The following DCAF1 variants were observed in gnomAD, a reference collection of about 807,000 sequenced individuals.
DCAF1 encodes the protein DDB1- and CUL4-associated factor 1.
In DCAF1, 15 loss-of-function variants were observed where a neutral mutation model predicts 128.0. The ratio of observed to expected loss-of-function variants is 0.12; its 90% CI spans 0.08 to 0.18. The LOEUF is 0.18. Ranked by LOEUF, DCAF1 falls within the 10% of genes least tolerant of loss-of-function variation. The pLI, the probability that DCAF1 is intolerant of heterozygous loss-of-function variation, is 1.00. For synonymous variants in DCAF1, 610 were observed against 603.0 expected (o/e 1.01, Z -0.17); for missense variants, 988 against 1,649.5 (o/e 0.60, Z 6.95).
At chr3:51,469,850 T>G (rs1704542668) in intron 4 of DCAF1, among the ~76,000 whole-genome samples, 1 of 151,596 alleles carries the variant, frequency 6.6e-6, no homozygotes, top group Non-Finnish European at 1.5e-5. Flanking sequence ...GTGAAACCCC[T>G]TCTCTATTAA....
At chr3:51,481,501 G>A (rs1339602304) in intron 3 of DCAF1, among the ~76,000 whole-genome samples, 1 of 151,964 alleles carries the variant, frequency 6.6e-6, no homozygotes, top group Non-Finnish European at 1.5e-5. Flanking sequence ...AGACCAGCCT[G>A]GCCAACATGG....
chr3:51,498,006 C>T (rs577315443), intron 1 of DCAF1, among the ~76,000 whole-genome samples: 54 of 136,286 alleles, frequency 4.0e-4, no homozygotes, highest in Middle Eastern at 4.2e-3. Context: ...GCTGAGATCG[C>T]GCCACTGCAC....
chr3:51,427,365 G>A lies in DCAF1; in HGVS notation c.1847+7C>T, dbSNP rs782410475. ...AAACTTCATTTGAAATCTCTCTCTG[G>A]TCCCACCTTGCATAATAGGTCTTCC... On this transcript the variant is annotated splice_region_variant and intron_variant, in intron 13 of 24. Coordinates refer to ENST00000684031, the MANE Select transcript of DCAF1 (RefSeq NM_001387579.1). The A allele has an allele frequency of 5.7e-6, 4 of 706,964 alleles. No individual in the cohort carries two copies. Among genetic ancestry groups the A allele is most frequent in the Non-Finnish European group, 1.0e-5 (4 of 382,122 alleles). The allele number at this position is 706,964 out of a possible 1,614,324, so 43.8% of individuals were successfully genotyped here. A position where few individuals can be genotyped will look rare whatever the true frequency, so the allele number is the denominator to read the frequency against.
intron 6 of DCAF1, among the ~76,000 whole-genome samples, chr3:51,444,180 C>A (rs1260966057): frequency 3.3e-5 from 5 of 152,008 alleles, no homozygotes; most frequent in Non-Finnish European, 5.9e-5. Flanking sequence ...TAAAAATTAA[C>A]AATCCCCAGA....
chr3:51,491,628 A>T (rs1553657987), intron 2 of DCAF1, among the ~76,000 whole-genome samples: 1 of 151,898 alleles, frequency 6.6e-6, no homozygotes, highest in Non-Finnish European at 1.5e-5. Context: ...ACAGGCAGAT[A>T]ACTTGAGCAG....
At chr3:51,428,402 G>A (rs1364664416) in intron 12 of DCAF1, among the ~76,000 whole-genome samples, 2 of 137,254 alleles carry the variant, frequency 1.5e-5, no homozygotes, top group African/African-American at 5.6e-5. Context: ...GTAGCTCACT[G>A]CAGTCTTGAA....
At chr3:51,450,230 C>T (rs1490804697) in intron 6 of DCAF1, among the ~76,000 whole-genome samples, 2 of 152,098 alleles carry the variant, frequency 1.3e-5, no homozygotes, top group African/African-American at 4.8e-5. Context: ...CTTCTCATAA[C>T]TCTTCCCAAA....
intron 6 of DCAF1, among the ~76,000 whole-genome samples, chr3:51,456,452 G>A (rs1408298570): frequency 6.6e-6 from 1 of 152,204 alleles, no homozygotes; most frequent in Non-Finnish European, 1.5e-5. Flanking sequence ...AGCTCAAGGA[G>A]GCCTGCCTGC....
At chr3:51,436,533 G>C (rs1700849468) in intron 9 of DCAF1, 1 of 445,076 alleles carries the variant, frequency 2.2e-6, no homozygotes, top group Admixed American at 2.4e-5. Context: ...CCTATGCTAG[G>C]ATAGACTGTA....
upstream of DCAF1, among the ~76,000 whole-genome samples, chr3:51,500,401 G>A (rs1413795612): frequency 6.6e-6 from 1 of 152,152 alleles, no homozygotes; most frequent in Non-Finnish European, 1.5e-5. Context: ...TCTGACCTGT[G>A]TGCGCAAAGA....
chr3:51,412,915 C>A, intron 22 of DCAF1, 78 bp downstream of exon 22: 1 of 1,575,488 alleles, frequency 6.3e-7, no homozygotes, highest in Admixed American at 1.9e-5. Flanking sequence ...TTATATCAGA[C>A]AAAATGTCTG....
chr3:51,469,848 C>G (rs1704542112), intron 4 of DCAF1, among the ~76,000 whole-genome samples: 2 of 151,810 alleles, frequency 1.3e-5, no homozygotes, highest in Admixed American at 6.6e-5. Context: ...TGGTGAAACC[C>G]CTTCTCTATT....
intron 6 of DCAF1, among the ~76,000 whole-genome samples, chr3:51,453,288 TA>T (rs1702538820): frequency 1.3e-5 from 2 of 152,174 alleles, no homozygotes; most frequent in Admixed American, 1.3e-4. Flanking sequence ...TCTTAAAAGC[TA>T]AATAAGAATC....
Position 51,496,791 on chromosome 3 carries a change from G to A in DCAF1, c.-55-11C>T, listed in dbSNP as rs1406886556. Among the ~76,000 whole-genome samples, 4 of 152,210 alleles carry A rather than the reference G, an allele frequency of 2.6e-5. No individual in the cohort carries two copies. In the East Asian group the frequency reaches 7.7e-4, roughly 29 times the overall value. On this transcript the variant is annotated splice_polypyrimidine_tract_variant and intron_variant, in intron 1 of 24. Transcript: ENST00000684031. ...TCTCAATTTCCTTATCTGCAAGATG[G>A]AAACAGTTGTTGTGCGGGGTTAAAT... is the stretch of plus-strand genomic sequence containing the variant.
At chr3:51,447,137 T>C (rs1264803746) in intron 6 of DCAF1, among the ~76,000 whole-genome samples, 7 of 152,074 alleles carry the variant, frequency 4.6e-5, no homozygotes, top group African/African-American at 1.7e-4. Flanking sequence ...CTGGGCATGG[T>C]GGCTCATGCC....
intron 13 of DCAF1, among the ~76,000 whole-genome samples, chr3:51,426,826 A>G (rs1483013343): frequency 6.7e-6 from 1 of 149,588 alleles, no homozygotes; most frequent in African/African-American, 2.4e-5. Flanking sequence ...CATCTTTTTC[A>G]AAACAGTTTT....
At chr3:51,412,516 C>T in intron 22 of DCAF1, 36 bp from the exon 23 acceptor site, 2 of 1,612,792 alleles carry the variant, frequency 1.2e-6, no homozygotes, top group Non-Finnish European at 1.7e-6. Flanking sequence ...GGAGCAGTTA[C>T]TTTTCAGAAG....
intron 3 of DCAF1, among the ~76,000 whole-genome samples, chr3:51,474,756 G>GACT (rs1438028426): frequency 1.3e-5 from 2 of 150,068 alleles, no homozygotes; most frequent in African/African-American, 4.9e-5. Context: ...AAGTAGGTGG[G>GACT]ACTACAGGTG....
chr3:51,409,036 T>TCA (rs1272168816), intron 23 of DCAF1, among the ~76,000 whole-genome samples: 1 of 152,164 alleles, frequency 6.6e-6, no homozygotes, highest in Non-Finnish European at 1.5e-5. Flanking sequence ...CCTGCCCCTC[T>TCA]CACTCTTGGC....
Sources: allele counts gnomAD v4.1 joint callset (sites outside exome capture counted in the v4.1 genomes callset), GRCh38; gene constraint gnomAD v4.1.1; transcripts MANE v1.5; gene names NCBI Gene and HGNC (gene_info 2026-07-23, HGNC 2026-07-21).